The following PTPRG variants were observed in gnomAD, a reference collection of about 807,000 sequenced individuals.
The protein encoded by PTPRG is receptor-type tyrosine-protein phosphatase gamma.
Under a neutral mutation model 165.3 loss-of-function variants are expected in PTPRG, and 102 were observed. The ratio of observed to expected loss-of-function variants is 0.62; its 90% CI spans 0.53 to 0.73. The LOEUF is 0.73. PTPRG is among the 30% of genes least tolerant of loss of function. PTPRG has a pLI of 0.00. For synonymous variants in PTPRG, 675 were observed against 669.5 expected (o/e 1.01, Z -0.13); for missense variants, 1,866 against 1,861.4 (o/e 1.00, Z -0.05).
At chr3:61,607,440 A>G (rs1271351900) in intron 1 of PTPRG, among the ~76,000 whole-genome samples, 4 of 145,092 alleles carry the variant, frequency 2.8e-5, no homozygotes, top group Non-Finnish European at 6.0e-5. Context: ...AACACTTACC[A>G]GATGCATCAA....
intron 1 of PTPRG, among the ~76,000 whole-genome samples, chr3:61,570,169 G>A (rs1297775346): frequency 6.6e-6 from 1 of 152,032 alleles, no homozygotes; most frequent in Non-Finnish European, 1.5e-5. Context: ...ACACATTGAT[G>A]TCCTGTCTCT....
intron 1 of PTPRG, among the ~76,000 whole-genome samples, chr3:61,721,798 TAAAG>T (rs1391627119): frequency 6.6e-6 from 1 of 151,986 alleles, no homozygotes; most frequent in Admixed American, 6.5e-5. Context: ...AATGAGAAAA[TAAAG>T]AAATAAGTTA....
At chr3:61,591,250 A>G (rs1435589553) in intron 1 of PTPRG, among the ~76,000 whole-genome samples, 1 of 152,240 alleles carries the variant, frequency 6.6e-6, no homozygotes, top group Non-Finnish European at 1.5e-5. Context: ...GATAATAGAA[A>G]CGAGGGTCTT....
At chr3:62,130,309 C>T (rs150399492) in intron 5 of PTPRG, among the ~76,000 whole-genome samples, 188 of 152,246 alleles carry the variant, frequency 1.2e-3, no homozygotes, top group Non-Finnish European at 2.3e-3. Flanking sequence ...CTTAGGATTC[C>T]AAAGAATCTG....
chr3:61,910,814 C>G (rs935882702), intron 2 of PTPRG, among the ~76,000 whole-genome samples: 2 of 152,202 alleles, frequency 1.3e-5, no homozygotes, highest in South Asian at 2.1e-4. Context: ...AAGCCCCAGA[C>G]GGTCCCTGCT....
chr3:61,605,022 G>C (rs969579520), intron 1 of PTPRG, among the ~76,000 whole-genome samples: 12 of 152,094 alleles, frequency 7.9e-5, no homozygotes, highest in African/African-American at 2.4e-4. Flanking sequence ...GGTCTCTTCG[G>C]ACCTAAAGGC....
chr3:62,176,063 C>T (rs1049773660), intron 8 of PTPRG, among the ~76,000 whole-genome samples: 4 of 147,228 alleles, frequency 2.7e-5, no homozygotes, highest in African/African-American at 1.1e-4. Flanking sequence ...ATAATCACAA[C>T]GTCTATAAAC....
intron 3 of PTPRG, among the ~76,000 whole-genome samples, chr3:61,995,889 T>A (rs1218420419): frequency 2.6e-5 from 4 of 152,056 alleles, no homozygotes; most frequent in Admixed American, 2.6e-4. Context: ...ACTCGATATG[T>A]CTTTCTCTAC....
intron 1 of PTPRG, among the ~76,000 whole-genome samples, chr3:61,642,019 C>T (rs141597475): frequency 7.9e-4 from 121 of 152,290 alleles, no homozygotes; most frequent in Non-Finnish European, 1.4e-3. Flanking sequence ...AACCTGGTGC[C>T]GTTGCCCGCA....
chr3:61,887,019 A>G (rs2038055434), intron 2 of PTPRG, among the ~76,000 whole-genome samples: 1 of 150,682 alleles, frequency 6.6e-6, no homozygotes, highest in Non-Finnish European at 1.5e-5. Flanking sequence ...CGCTACTAAT[A>G]TCTTGTGTGC....
intron 2 of PTPRG, among the ~76,000 whole-genome samples, chr3:61,893,189 A>T (rs181568048): frequency 6.6e-6 from 1 of 152,236 alleles, no homozygotes; most frequent in Non-Finnish European, 1.5e-5. Flanking sequence ...GAATTTATCA[A>T]TGTTTTAGGA....
At chr3:61,961,783 G>A (rs1575826465) in intron 2 of PTPRG, among the ~76,000 whole-genome samples, 1 of 152,038 alleles carries the variant, frequency 6.6e-6, no homozygotes, top group East Asian at 1.9e-4. Context: ...TCAACCCAGG[G>A]GACTTGTAAG....
chr3:62,243,639 C>A, intron 14 of PTPRG, 168 bp from the exon 15 acceptor site: 1 of 481,386 alleles, frequency 2.1e-6, no homozygotes, highest in Non-Finnish European at 3.7e-6. Context: ...TTTTGGGCCC[C>A]TCCAACAGGC....
At chr3:62,121,566 G>T (rs1467735258) in intron 5 of PTPRG, among the ~76,000 whole-genome samples, 1 of 152,122 alleles carries the variant, frequency 6.6e-6, no homozygotes, top group Non-Finnish European at 1.5e-5. Context: ...AGTTTAAAAT[G>T]AGCTCATCGT....
chr3:62,121,943 A>T (rs957303554), intron 5 of PTPRG, among the ~76,000 whole-genome samples: 1 of 152,158 alleles, frequency 6.6e-6, no homozygotes, highest in Non-Finnish European at 1.5e-5. Flanking sequence ...GTCTTTCCTC[A>T]TTGCAATTTA....
chr3:62,052,582 C>G (rs1402922279), intron 4 of PTPRG, among the ~76,000 whole-genome samples: 1 of 152,136 alleles, frequency 6.6e-6, no homozygotes, highest in East Asian at 1.9e-4. Flanking sequence ...GTGGTCCCAG[C>G]TACTTGGGAG....
At chr3:61,946,021 A>G (rs918562648) in intron 2 of PTPRG, among the ~76,000 whole-genome samples, 2 of 152,044 alleles carry the variant, frequency 1.3e-5, no homozygotes, top group Non-Finnish European at 2.9e-5. Flanking sequence ...TTTCTTTACT[A>G]TTATCTCTCT....
chr3:62,289,485 C>G (rs1702792532), intron 28 of PTPRG, among the ~76,000 whole-genome samples: 1 of 152,062 alleles, frequency 6.6e-6, no homozygotes, highest in Non-Finnish European at 1.5e-5. Flanking sequence ...TATTTGAACA[C>G]TGATGCAAAA....
intron 2 of PTPRG, among the ~76,000 whole-genome samples, chr3:61,913,568 G>GTGT (rs2038858540): frequency 6.6e-6 from 1 of 152,182 alleles, no homozygotes; most frequent in Admixed American, 6.5e-5. Context: ...GAGTGCATAT[G>GTGT]TATGTGTATG....
Sources: gnomAD v4.1 joint callset for allele counts (sites outside exome capture counted in the v4.1 genomes callset) on GRCh38, gnomAD v4.1.1 for gene constraint, MANE v1.5 for transcripts, NCBI Gene and HGNC (gene_info 2026-07-23, HGNC 2026-07-21) for gene names.